TMEM132D: variants seen among roughly 807,000 people sequenced by gnomAD.
TMEM132D encodes mature OL transmembrane protein.
TMEM132D carries 21 observed loss-of-function variants against 62.3 expected under a neutral mutation model. The observed-to-expected ratio is 0.34, with a 90% CI of 0.24 to 0.49. TMEM132D has a LOEUF of 0.49. Among genes scored for constraint, TMEM132D ranks in the 20% least tolerant of loss-of-function variants. The probability of loss-of-function intolerance (pLI) is 0.99; values close to 1 mark genes in which losing one functional copy is unlikely to be tolerated. For synonymous variants in TMEM132D, 621 were observed against 575.6 expected (o/e 1.08, Z -1.13); for missense variants, 1,346 against 1,402.8 (o/e 0.96, Z 0.65).
At chr12:129,364,060 G>T (rs60890331) in intron 3 of TMEM132D, among the ~76,000 whole-genome samples, 1 of 152,146 alleles carries the variant, frequency 6.6e-6, no homozygotes, top group African/African-American at 2.4e-5. Flanking sequence ...TGTCACTCAC[G>T]AAGAGTTTTT....
chr12:129,753,391 A>G (rs2137269102), intron 1 of TMEM132D, among the ~76,000 whole-genome samples: 1 of 152,364 alleles, frequency 6.6e-6, no homozygotes, highest in Admixed American at 6.5e-5. Context: ...GAAATCAGAA[A>G]GTATCTTTTT....
intron 3 of TMEM132D, among the ~76,000 whole-genome samples, chr12:129,415,675 A>G (rs1317758301): frequency 6.6e-6 from 1 of 152,178 alleles, no homozygotes; most frequent in Non-Finnish European, 1.5e-5. Flanking sequence ...AGGTGGTGCC[A>G]CAGAAACACC....
intron 3 of TMEM132D, among the ~76,000 whole-genome samples, chr12:129,351,269 A>C (rs1030220167): frequency 1.3e-5 from 2 of 152,184 alleles, no homozygotes; most frequent in Non-Finnish European, 2.9e-5. Context: ...TAACTGGGAA[A>C]TGGTAAAAGC....
At chr12:129,513,368 C>T (rs1195790025) in intron 3 of TMEM132D, among the ~76,000 whole-genome samples, 1 of 152,148 alleles carries the variant, frequency 6.6e-6, no homozygotes, top group African/African-American at 2.4e-5. Context: ...GCCCCCATAA[C>T]CCAAACATCA....
intron 3 of TMEM132D, among the ~76,000 whole-genome samples, chr12:129,502,024 G>GTT (rs560011435): frequency 6.9e-4 from 104 of 151,104 alleles, no homozygotes; most frequent in South Asian, 3.1e-3. Context: ...TTTGAGAGAT[G>GTT]GAGTCTCGCT....
chr12:129,216,895 G>A (rs958794910), intron 4 of TMEM132D, among the ~76,000 whole-genome samples: 1 of 152,262 alleles, frequency 6.6e-6, no homozygotes, highest in Admixed American at 6.5e-5. Flanking sequence ...AACCTGAAAG[G>A]GGACCGCCTC....
At chr12:129,741,282 CTCTT>C (rs1369407431) in intron 1 of TMEM132D, among the ~76,000 whole-genome samples, 6 of 152,324 alleles carry the variant, frequency 3.9e-5, no homozygotes, top group Admixed American at 6.5e-5. Flanking sequence ...CTTGACTTCT[CTCTT>C]AGTTTTCTCA....
In TMEM132D at chr12:129,804,471, C is replaced by T. The variant is rs1185471523; in HGVS notation, c.79+98790G>A. Among the ~76,000 whole-genome samples the T allele has an allele frequency of 2.7e-5, 4 of 149,944 alleles. No homozygotes were observed. The South Asian group carries it at 6.5e-4, about 24-fold the overall frequency. ...ATTATCTCAATAGATGCAGAAAAGG[C>T]GTTTGACAAAATTCAACAACCCTTC... is the stretch of plus-strand genomic sequence containing the variant. On this transcript the variant is annotated intron_variant, in intron 1 of 8. Coordinates refer to ENST00000422113, the MANE Select transcript of TMEM132D (RefSeq NM_133448.3).
At chr12:129,697,157 A>T (rs1435657774) in intron 2 of TMEM132D, among the ~76,000 whole-genome samples, 3 of 152,174 alleles carry the variant, frequency 2.0e-5, no homozygotes, top group Admixed American at 6.5e-5. Flanking sequence ...CTGCTGCGTC[A>T]GTCCATGATT....
chr12:129,337,519 T>C (rs1350613038), intron 4 of TMEM132D, 115 bp downstream of exon 4: 2 of 1,273,436 alleles, frequency 1.6e-6, no homozygotes, highest in Non-Finnish European at 2.2e-6. Context: ...CGTTTCTCAC[T>C]GTCCTGATTC....
chr12:129,305,558 C>T (rs891340446), intron 4 of TMEM132D, among the ~76,000 whole-genome samples: 1 of 152,096 alleles, frequency 6.6e-6, no homozygotes, highest in Admixed American at 6.5e-5. Context: ...TAAAGCCATC[C>T]AAATGTATGG....
At chr12:129,507,738 G>T (rs1875379055) in intron 3 of TMEM132D, among the ~76,000 whole-genome samples, 2 of 152,136 alleles carry the variant, frequency 1.3e-5, no homozygotes, top group Admixed American at 6.6e-5. Flanking sequence ...AAGGATAAAA[G>T]ACTACAAATT....
At chr12:129,875,509 C>T (rs548585658) in intron 1 of TMEM132D, among the ~76,000 whole-genome samples, 1 of 152,290 alleles carries the variant, frequency 6.6e-6, no homozygotes, top group South Asian at 2.1e-4. Flanking sequence ...AGTCATGGAA[C>T]TGGTGCTATC....
chr12:129,115,422 G>C (rs1399039633), intron 5 of TMEM132D, among the ~76,000 whole-genome samples: 2 of 152,110 alleles, frequency 1.3e-5, no homozygotes, highest in African/African-American at 2.4e-5. Flanking sequence ...TCGGGTCTAG[G>C]GGAACTAGAA....
At chr12:129,127,329 T>C (rs1341461420) in intron 5 of TMEM132D, among the ~76,000 whole-genome samples, 1 of 152,138 alleles carries the variant, frequency 6.6e-6, no homozygotes, top group Non-Finnish European at 1.5e-5. Context: ...GACAAATGCC[T>C]CTTTGGCCCC....
chr12:129,819,959 G>A (rs910847645), intron 1 of TMEM132D, among the ~76,000 whole-genome samples: 2 of 152,060 alleles, frequency 1.3e-5, no homozygotes, highest in Admixed American at 6.6e-5. Flanking sequence ...CGTGCACCGT[G>A]GACATGACTG....
intron 4 of TMEM132D, among the ~76,000 whole-genome samples, chr12:129,291,186 G>A (rs766095242): frequency 2.0e-5 from 3 of 152,072 alleles, no homozygotes; most frequent in Admixed American, 1.3e-4. Context: ...ACCTCTGCAG[G>A]ATTTATTCTA....
chr12:129,296,628 G>A (rs1269111358), intron 4 of TMEM132D, among the ~76,000 whole-genome samples: 1 of 152,144 alleles, frequency 6.6e-6, no homozygotes, highest in African/African-American at 2.4e-5. Context: ...CCCATCCAAG[G>A]TGTGAGATAC....
intron 3 of TMEM132D, among the ~76,000 whole-genome samples, chr12:129,380,096 TTGG>T (rs1322026074): frequency 6.6e-6 from 1 of 152,176 alleles, no homozygotes; most frequent in Non-Finnish European, 1.5e-5. Flanking sequence ...TTTTGTCTTA[TTGG>T]TGATCAAAGT....
Sources: allele counts gnomAD v4.1 joint callset (sites outside exome capture counted in the v4.1 genomes callset), GRCh38; gene constraint gnomAD v4.1.1; transcripts MANE v1.5; gene names NCBI Gene and HGNC (gene_info 2026-07-23, HGNC 2026-07-21).